The following TRIM2 variants were observed in gnomAD, a reference collection of about 807,000 sequenced individuals.
TRIM2 encodes tripartite motif-containing protein 2.
In TRIM2, 20 loss-of-function variants were observed where a neutral mutation model predicts 75.2. The observed-to-expected ratio is 0.27, with a 90% CI of 0.19 to 0.39. The LOEUF is 0.39. Among genes scored for constraint, TRIM2 ranks in the 10% least tolerant of loss-of-function variants. The probability of loss-of-function intolerance (pLI) is 1.00; values close to 1 mark genes in which losing one functional copy is unlikely to be tolerated. For synonymous variants in TRIM2, 373 were observed against 388.3 expected, an observed-to-expected ratio of 0.96 and a Z score of 0.46; for missense variants, 660 against 990.8, an observed-to-expected ratio of 0.67 and a Z score of 4.48.
At chr4:153,260,148 G>GC (rs1411767359) in intron 1 of TRIM2, among the ~76,000 whole-genome samples, 1 of 152,036 alleles carries the variant, frequency 6.6e-6, no homozygotes, top group Non-Finnish European at 1.5e-5. Flanking sequence ...TTCCCTTCTT[G>GC]CTAGTTTCTT....
chr4:153,274,490 G>C (rs1429088687), intron 2 of TRIM2, among the ~76,000 whole-genome samples: 1 of 152,194 alleles, frequency 6.6e-6, no homozygotes, highest in Non-Finnish European at 1.5e-5. Flanking sequence ...TTGAGTTTTA[G>C]GACCTGCAAG....
chr4:153,204,441 T>A, upstream of TRIM2: 1 of 1,483,420 alleles, frequency 6.7e-7, no homozygotes, highest in Non-Finnish European at 9.2e-7. Context: ...ACCCTTTAAC[T>A]CGGCAGCTTG....
intron 1 of TRIM2, among the ~76,000 whole-genome samples, chr4:153,227,027 G>A (rs1234132942): frequency 1.3e-5 from 2 of 152,144 alleles, no homozygotes; most frequent in African/African-American, 4.8e-5. Context: ...GTACCTTTAG[G>A]CATTAGTGAG....
chr4:153,175,100 T>C (rs1328038624), intron 1 of TRIM2, among the ~76,000 whole-genome samples: 1 of 152,072 alleles, frequency 6.6e-6, no homozygotes, highest in African/African-American at 2.4e-5. Context: ...ACCTCCGCCT[T>C]CTGCCTTCCG....
intron 1 of TRIM2, among the ~76,000 whole-genome samples, chr4:153,249,667 A>G (rs530254179): frequency 1.1e-4 from 17 of 152,100 alleles, no homozygotes; most frequent in African/African-American, 3.6e-4. Context: ...CCACCAGCTC[A>G]GTCGCCCACG....
intron 2 of TRIM2, among the ~76,000 whole-genome samples, chr4:153,272,439 C>T (rs552107967): frequency 6.6e-6 from 1 of 152,042 alleles, no homozygotes; most frequent in South Asian, 2.1e-4. Flanking sequence ...TGAGCCACTG[C>T]GCCTGGCCAG....
At chr4:153,203,603 AATAG>A (rs1394002264), upstream of TRIM2, among the ~76,000 whole-genome samples, 1 of 151,732 alleles carries the variant, frequency 6.6e-6, no homozygotes. Flanking sequence ...AAAAAAAAAA[AATAG>A]TAGACCAGGC....
intron 1 of TRIM2, among the ~76,000 whole-genome samples, chr4:153,252,642 T>C (rs1751141658): frequency 6.6e-6 from 1 of 152,180 alleles, no homozygotes; most frequent in South Asian, 2.1e-4. Flanking sequence ...CCTGAGTAGC[T>C]GGGATCACAG....
intron 3 of TRIM2, among the ~76,000 whole-genome samples, chr4:153,282,540 A>G (rs2150089313): frequency 6.6e-6 from 1 of 152,352 alleles, no homozygotes; most frequent in East Asian, 1.9e-4. Flanking sequence ...AAAAGTAAAT[A>G]AATACATAAA....
intron 3 of TRIM2, among the ~76,000 whole-genome samples, chr4:153,284,183 TTTTTTTGTTTTG>T (rs1760059516): frequency 7.0e-6 from 1 of 143,640 alleles, no homozygotes; most frequent in Non-Finnish European, 1.5e-5. Context: ...CTGGCCTGGT[TTTTTTTGTTTTG>T]TTTTTTGTTT....
intron 11 of TRIM2, among the ~76,000 whole-genome samples, chr4:153,331,644 T>C (rs1205634291): frequency 6.6e-6 from 1 of 152,194 alleles, no homozygotes. Context: ...TTAAAATTTA[T>C]ATGGCAAGGC....
At chr4:153,234,506 C>G (rs145359865) in intron 1 of TRIM2, among the ~76,000 whole-genome samples, 2 of 152,296 alleles carry the variant, frequency 1.3e-5, no homozygotes, top group Non-Finnish European at 2.9e-5. Flanking sequence ...TGGACTGCAA[C>G]ATAAAATACA....
chr4:153,213,026 T>C (rs182861957), intron 1 of TRIM2, among the ~76,000 whole-genome samples: 34 of 152,324 alleles, frequency 2.2e-4, no homozygotes, highest in African/African-American at 7.0e-4. Context: ...GCATGAGATA[T>C]CACCAGTCTG....
At chr4:153,165,420 T>G (rs1167809510) in intron 1 of TRIM2, among the ~76,000 whole-genome samples, 1 of 152,058 alleles carries the variant, frequency 6.6e-6, no homozygotes, top group African/African-American at 2.4e-5. Context: ...AGCCTCAACC[T>G]CCTGGGCTCA....
chr4:153,328,821 A>G, intron 11 of TRIM2, 151 bp downstream of exon 11: 1 of 839,804 alleles, frequency 1.2e-6, no homozygotes, highest in Non-Finnish European at 1.7e-6. Context: ...AAACTCAGCA[A>G]GATGGAGTAG....
At chr4:153,193,127 CTTTTTTT>C (rs141233060) in intron 1 of TRIM2, among the ~76,000 whole-genome samples, 22 of 106,732 alleles carry the variant, frequency 2.1e-4, no homozygotes, top group Admixed American at 3.2e-4. Context: ...AGTGAATAAT[CTTTTTTT>C]TTTTTTTTTT....
chr4:153,322,137 C>T (rs1425126136), intron 8 of TRIM2, among the ~76,000 whole-genome samples: 6 of 151,300 alleles, frequency 4.0e-5, no homozygotes, highest in Admixed American at 6.6e-5. Flanking sequence ...GGGCTGGGCA[C>T]GAGGGCTCAT....
intron 1 of TRIM2, among the ~76,000 whole-genome samples, chr4:153,239,832 CTCTT>C (rs1746050425): frequency 7.2e-6 from 1 of 139,440 alleles, no homozygotes; most frequent in Non-Finnish European, 1.6e-5. Flanking sequence ...AACTTTCTTT[CTCTT>C]TTTTTTTTTT....
intron 1 of TRIM2, among the ~76,000 whole-genome samples, chr4:153,259,692 C>A (rs193170872): frequency 6.6e-6 from 1 of 152,114 alleles, no homozygotes; most frequent in Admixed American, 6.5e-5. Flanking sequence ...CCCTTTATTA[C>A]TTATATAAAG....
Sources: allele counts gnomAD v4.1 joint callset (sites outside exome capture counted in the v4.1 genomes callset), GRCh38; gene constraint gnomAD v4.1.1; transcripts MANE v1.5; gene names NCBI Gene and HGNC (gene_info 2026-07-23, HGNC 2026-07-21).